MYH10: variants seen among roughly 807,000 people sequenced by gnomAD.
The protein encoded by MYH10 is myosin-10.
In MYH10, 55 loss-of-function variants were observed where a neutral mutation model predicts 257.8. The observed-to-expected ratio is 0.21, with a 90% CI of 0.17 to 0.27. The LOEUF (loss-of-function observed/expected upper bound fraction) is 0.27, where lower values mean the gene tolerates loss of function less well. Among genes scored for constraint, MYH10 ranks in the 10% least tolerant of loss-of-function variants. The pLI, the probability that MYH10 is intolerant of heterozygous loss-of-function variation, is 1.00. For missense variants in MYH10, 1,631 were observed against 2,500.6 expected, an observed-to-expected ratio of 0.65 and a Z score of 7.42; for synonymous variants, 854 against 921.7, an observed-to-expected ratio of 0.93 and a Z score of 1.33.
intron 2 of MYH10, among the ~76,000 whole-genome samples, chr17:8,611,011 A>G (rs2085017641): frequency 6.6e-6 from 1 of 152,234 alleles, no homozygotes; most frequent in African/African-American, 2.4e-5. Flanking sequence ...TCTTAGATAG[A>G]TAATAGTTAT....
intron 24 of MYH10, chr17:8,511,063 C>CATATATATATATATATATATAT (rs1567823729): frequency 1.4e-5 from 1 of 71,120 alleles, no homozygotes; most frequent in Admixed American, 1.5e-4. Flanking sequence ...TATATATACA[C>CATATATATATATATATATATAT]ACATACATAC....
intron 42 of MYH10, 45 bp downstream of exon 42, chr17:8,476,831 C>T (rs982020333): frequency 6.3e-7 from 1 of 1,580,846 alleles, no homozygotes; most frequent in African/African-American, 1.3e-5. Context: ...CTAAGCTAAC[C>T]CACAAAGCAG....
intron 3 of MYH10, among the ~76,000 whole-genome samples, chr17:8,601,241 G>A (rs971927654): frequency 1.8e-3 from 281 of 152,282 alleles, no homozygotes; most frequent in Non-Finnish European, 3.2e-3. Context: ...AGGAACAAAG[G>A]AAGACAAGCC....
intron 2 of MYH10, among the ~76,000 whole-genome samples, chr17:8,621,954 T>C (rs539634571): frequency 3.3e-5 from 5 of 152,346 alleles, no homozygotes; most frequent in African/African-American, 1.2e-4. Context: ...TTCACTGTAC[T>C]ATCCCCAGCA....
At chr17:8,580,379 G>C (rs1189158084) in intron 4 of MYH10, among the ~76,000 whole-genome samples, 1 of 151,396 alleles carries the variant, frequency 6.6e-6, no homozygotes. Context: ...TTTGAGTTAA[G>C]TGGTATCAAT....
chr17:8,483,903 C>CT (rs1272566084), intron 37 of MYH10, among the ~76,000 whole-genome samples: 2 of 152,200 alleles, frequency 1.3e-5, no homozygotes, highest in African/African-American at 4.8e-5. Flanking sequence ...GCTCCTTTGC[C>CT]TTTTGCCAGG....
rs772713569 is a variant in MYH10 at position 8,499,417 on chromosome 17, C to G, written c.3804G>C (p.Ala1268=). ...QGLETDNKEL[A]CEVKVLQQVK... is the part of the protein sequence containing the mutation. The stretch of plus-strand genomic sequence containing the variant: ...CCTGCTGCAGGACCTTCACCTCACA[C>G]GCCAGCTCCTTGTTATCTGTCTCCA... Residue 1268 remains alanine, a synonymous_variant, in exon 30 of 43, where the codon GCG becomes GCC. Coordinates refer to ENST00000360416, the MANE Select transcript of MYH10 (RefSeq NM_001256012.3). 4 of 1,614,042 alleles carry G rather than the reference C, an allele frequency of 2.5e-6. No individual in the cohort carries two copies. The highest frequency in any genetic ancestry group is 1.6e-4 in the Middle Eastern group (1 of 6,084).
At chr17:8,485,855 T>C (rs1461103652) in intron 36 of MYH10, among the ~76,000 whole-genome samples, 3 of 152,168 alleles carry the variant, frequency 2.0e-5, no homozygotes, top group Non-Finnish European at 4.4e-5. Flanking sequence ...TGAAAGCACA[T>C]GTCCACACAA....
At chr17:8,577,012 C>T (rs993683258) in intron 5 of MYH10, among the ~76,000 whole-genome samples, 7 of 152,190 alleles carry the variant, frequency 4.6e-5, no homozygotes, top group Non-Finnish European at 7.3e-5. Context: ...CAAGCCACAA[C>T]CATAATTCCA....
intron 21 of MYH10, among the ~76,000 whole-genome samples, chr17:8,515,933 C>T (rs1348383643): frequency 6.6e-6 from 1 of 152,192 alleles, no homozygotes; most frequent in East Asian, 1.9e-4. Context: ...ATCCACCTTC[C>T]AATTCTTGCA....
At chr17:8,480,752 T>C in intron 38 of MYH10, 1 of 597,310 alleles carries the variant, frequency 1.7e-6, no homozygotes, top group Non-Finnish European at 3.0e-6. Context: ...ATCTCTCACC[T>C]GGACTGCTGG....
At chr17:8,550,560 G>A (rs1163441084) in intron 9 of MYH10, among the ~76,000 whole-genome samples, 1 of 151,862 alleles carries the variant, frequency 6.6e-6, no homozygotes. Context: ...TGCCCGGGAG[G>A]TGAGGGGCGC....
intron 2 of MYH10, among the ~76,000 whole-genome samples, chr17:8,620,091 A>C (rs1321028176): frequency 6.6e-6 from 1 of 152,210 alleles, no homozygotes; most frequent in Non-Finnish European, 1.5e-5. Context: ...ACAGTTAAAA[A>C]GCTTAATCTA....
intron 29 of MYH10, among the ~76,000 whole-genome samples, chr17:8,499,919 G>A (rs1310567755): frequency 6.6e-6 from 1 of 152,036 alleles, no homozygotes; most frequent in African/African-American, 2.4e-5. Flanking sequence ...TAGTAAGGTG[G>A]TCACATGGGA....
chr17:8,514,893 C>G (rs143073540), intron 21 of MYH10, among the ~76,000 whole-genome samples: 98 of 152,318 alleles, frequency 6.4e-4, no homozygotes, highest in African/African-American at 2.2e-3. Context: ...GCACGCTGCA[C>G]TCCTCTGGGG....
intron 21 of MYH10, among the ~76,000 whole-genome samples, chr17:8,514,392 CA>C (rs1437506702): frequency 6.6e-6 from 1 of 152,126 alleles, no homozygotes; most frequent in African/African-American, 2.4e-5. Context: ...GCGCAGCACT[CA>C]AAAGCTACAA....
At chr17:8,621,021 A>G (rs933111302) in intron 2 of MYH10, among the ~76,000 whole-genome samples, 17 of 152,176 alleles carry the variant, frequency 1.1e-4, no homozygotes, top group Non-Finnish European at 2.5e-4. Context: ...AACAAAAACA[A>G]AAACAACAAA....
intron 21 of MYH10, among the ~76,000 whole-genome samples, chr17:8,515,704 T>G (rs961716102): frequency 2.6e-5 from 4 of 151,292 alleles, no homozygotes; most frequent in African/African-American, 7.3e-5. Flanking sequence ...CACCATGCCT[T>G]GCTAATTTTT....
intron 14 of MYH10, among the ~76,000 whole-genome samples, chr17:8,538,612 C>G (rs1396203408): frequency 6.6e-6 from 1 of 152,182 alleles, no homozygotes; most frequent in East Asian, 1.9e-4. Flanking sequence ...CTTCCCTCCC[C>G]TTTCTGAGCT....
Sources: gnomAD v4.1 joint callset for allele counts (sites outside exome capture counted in the v4.1 genomes callset) on GRCh38, gnomAD v4.1.1 for gene constraint, MANE v1.5 for transcripts, NCBI Gene and HGNC (gene_info 2026-07-23, HGNC 2026-07-21) for gene names.